Variants in LIPG observed in about 807,000 individuals in gnomAD.
The protein encoded by LIPG is lipase G, endothelial type.
LIPG carries 34 observed loss-of-function variants against 51.8 expected under a neutral mutation model. That is an observed-to-expected ratio of 0.66 (90% CI 0.50 to 0.87). LIPG has a LOEUF of 0.87. Among genes scored for constraint, LIPG ranks in the 40% least tolerant of loss-of-function variants. The probability of loss-of-function intolerance (pLI) is 0.00; values close to 1 mark genes in which losing one functional copy is unlikely to be tolerated. For missense variants in LIPG, 580 were observed against 652.7 expected (o/e 0.89, Z 1.21); for synonymous variants, 246 against 246.1 (o/e 1.00, Z 0.00).
Position 49,562,451 on chromosome 18 carries a change from G to A in LIPG, c.97+46G>A, listed in dbSNP as rs188439036. 1,605 of 1,525,958 alleles carry A rather than the reference G, an allele frequency of 1.1e-3. 22 individuals carry two copies. The Admixed American group carries it at 0.026, about 24-fold the overall frequency. 94.5% of individuals were successfully genotyped at this position (1,525,958 alleles called of 1,614,324 possible). A position where few individuals can be genotyped will look rare whatever the true frequency, so the allele number is the denominator to read the frequency against. On this transcript the variant is annotated intron_variant, in intron 1 of 9. Transcript: ENST00000261292. Reference sequence around the variant, plus strand: ...TTCCCCCCAGCCACTTCTCTGTGCTGGGTCCCCTCTGTCTTGCTGATTCTT... The same window carrying A: ...TTCCCCCCAGCCACTTCTCTGTGCTAGGTCCCCTCTGTCTTGCTGATTCTT...
In LIPG at chr18:49,595,405, CTCTA is replaced by C. The variant is rs1443715428; in HGVS notation, c.*4887_*4890del. ...TAGGCTAAATACAGCCTTTCTGAGTCTCTATCTGCTCATTTAAGAAACAGAGACA... is the reference window on the plus strand; with the variant it reads ...TAGGCTAAATACAGCCTTTCTGAGTCTCTGCTCATTTAAGAAACAGAGACA... On this transcript the variant is annotated 3_prime_UTR_variant, in exon 10 of 10. Coordinates refer to ENST00000261292, the MANE Select transcript of LIPG (RefSeq NM_006033.4). 1.3e-5 allele frequency: 2 copies of C among 151,948 alleles called. No individual in the cohort carries two copies. Among genetic ancestry groups the C allele is most frequent in the African/African-American group, 4.8e-5 (2 of 41,442 alleles). 9.4% of individuals were successfully genotyped at this position (151,948 alleles called of 1,614,324 possible).
chr18:49,595,171 C>G lies in LIPG; in HGVS notation c.*4649C>G, dbSNP rs971196928. 1.2e-4 allele frequency: 19 copies of G among 152,210 alleles called. No individual in the cohort carries two copies. The highest frequency in any genetic ancestry group is 4.3e-4 in the African/African-American group (18 of 41,446). 9.4% of individuals were successfully genotyped at this position (152,210 alleles called of 1,614,324 possible). ...CTCTGCCATGTAAGCTCTCTGATGG[C>G]ACAGATTTTTATCTGGCTTGTTTTC... On this transcript the variant is annotated 3_prime_UTR_variant, in exon 10 of 10. Transcript: ENST00000261292.
chr18:49,582,224 C>A, intron 6 of LIPG, 138 bp from the exon 7 acceptor site: 2 of 980,104 alleles, frequency 2.0e-6, no homozygotes, highest in Admixed American at 1.8e-5. Flanking sequence ...AGAACAAGAG[C>A]AGATGGGGGC....
chr18:49,587,413 T>TA (rs1043715388), intron 9 of LIPG, among the ~76,000 whole-genome samples: 1 of 145,942 alleles, frequency 6.9e-6, no homozygotes, highest in Non-Finnish European at 1.5e-5. Flanking sequence ...TCTAAAAATA[T>TA]AAAAAATTAG....
chr18:49,590,666 G>T lies in LIPG; in HGVS notation c.*144G>T. 1 of 859,224 alleles carries T rather than the reference G, an allele frequency of 1.2e-6. No homozygotes were observed. Among genetic ancestry groups the T allele is most frequent in the Non-Finnish European group, 1.9e-6 (1 of 524,422 alleles). The allele number at this position is 859,224 out of a possible 1,614,324, so 53.2% of individuals were successfully genotyped here. A position where few individuals can be genotyped will look rare whatever the true frequency, so the allele number is the denominator to read the frequency against. ...GAGCACTGGGAACAACTGGTCTCCTGTGATGGCTGGGACTCCTCGCGGGAG... is the reference window on the plus strand; with the variant it reads ...GAGCACTGGGAACAACTGGTCTCCTTTGATGGCTGGGACTCCTCGCGGGAG... On this transcript the variant is annotated 3_prime_UTR_variant, in exon 10 of 10. Transcript: ENST00000261292.
At chr18:49,572,046 G>A (rs576259348) in intron 4 of LIPG, among the ~76,000 whole-genome samples, 105 of 152,344 alleles carry the variant, frequency 6.9e-4, no homozygotes, top group African/African-American at 2.3e-3. Context: ...GTGGCCGGGC[G>A]CAGTGGCTCA....
At chr18:49,569,578 C>T (rs370869105) in intron 4 of LIPG, 30 bp downstream of exon 4, 4 of 1,542,916 alleles carry the variant, frequency 2.6e-6, no homozygotes, top group Non-Finnish European at 3.6e-6. Context: ...CTAAAGGGCT[C>T]CCTCAGCTGC....
In LIPG at chr18:49,582,478, GA is replaced by G; in HGVS notation, c.1156del (p.Ile386Ter). The G allele has an allele frequency of 1.9e-6, 3 of 1,614,222 alleles. No homozygotes were observed. Among genetic ancestry groups the G allele is most frequent in the Non-Finnish European group, 2.5e-6 (3 of 1,180,046 alleles). On this transcript the variant is annotated frameshift_variant, in exon 7 of 10. Transcript: ENST00000261292. LOFTEE classifies it high-confidence loss of function. ...TGCAGATTCCCAGACTCTGCCACTG[GA>G]AATGTAAGTCATCCGTTTCCCTTGC... ...TNADSQTLPL[E>X]IVERIEQNAT...
chr18:49,585,005 T>C (rs1312172304), intron 8 of LIPG, among the ~76,000 whole-genome samples: 1 of 152,216 alleles, frequency 6.6e-6, no homozygotes, highest in Non-Finnish European at 1.5e-5. Context: ...ATATAACTAA[T>C]ATTTCAATGT....
At chr18:49,570,422 A>G (rs1434308691) in intron 4 of LIPG, among the ~76,000 whole-genome samples, 1 of 152,190 alleles carries the variant, frequency 6.6e-6, no homozygotes, top group African/African-American at 2.4e-5. Flanking sequence ...TCCTTCTTCC[A>G]GCATTATTTT....
At position 49,581,509 on chromosome 18, in the gene LIPG, G is replaced by A; in HGVS notation, c.888G>A (p.Gln296=). The change falls in exon 6 of 10, where the codon CAG becomes CAA. Residue 296 remains glutamine, a synonymous_variant. Coordinates refer to ENST00000261292, the MANE Select transcript of LIPG (RefSeq NM_006033.4). ...VNQDKPSFAF[Q]CTDSNRFKKG... is the part of the protein sequence containing the mutation. ...AGGACAAGCCGAGTTTTGCCTTCCAGTGCACTGACTCCAATCGCTTCAAAA... is the reference window on the plus strand; with the variant it reads ...AGGACAAGCCGAGTTTTGCCTTCCAATGCACTGACTCCAATCGCTTCAAAA... The A allele has an allele frequency of 1.2e-6, 2 of 1,614,174 alleles. No homozygotes were observed. The highest frequency in any genetic ancestry group is 2.7e-5 in the African/African-American group (2 of 75,048).
chr18:49,565,835 A>G lies in LIPG; in HGVS notation c.279+337A>G, dbSNP rs529784669. Among the ~76,000 whole-genome samples the G allele has an allele frequency of 5.6e-4, 86 of 152,340 alleles. 1 individual carries two copies. The highest frequency in any genetic ancestry group is 9.7e-4 in the Non-Finnish European group (66 of 68,036). ...GCCTGGAGGGGGCTGTCCTGCCGTGAGAGCTGAGCTTAACTAAAGCAACTT... is the reference window on the plus strand; with the variant it reads ...GCCTGGAGGGGGCTGTCCTGCCGTGGGAGCTGAGCTTAACTAAAGCAACTT... On this transcript the variant is annotated intron_variant, in intron 2 of 9. Transcript: ENST00000261292.
chr18:49,580,978 G>A (rs1257502071), intron 5 of LIPG, among the ~76,000 whole-genome samples: 3 of 152,118 alleles, frequency 2.0e-5, no homozygotes, highest in Non-Finnish European at 4.4e-5. Context: ...CATTACACAG[G>A]TCGGGTGCAG....
chr18:49,561,998 T>A (rs919548086), upstream of LIPG: 8 of 1,406,194 alleles, frequency 5.7e-6, no homozygotes, highest in African/African-American at 1.2e-4. Context: ...CAAATCACCA[T>A]CTGGCGATGG....
At chr18:49,581,023 C>T (rs1021005075) in intron 5 of LIPG, among the ~76,000 whole-genome samples, 33 of 152,196 alleles carry the variant, frequency 2.2e-4, no homozygotes, top group Middle Eastern at 3.4e-3. Flanking sequence ...CTTTAGGAGG[C>T]GAAGGTGGGA....
chr18:49,580,345 C>T (rs1267837358), intron 5 of LIPG, among the ~76,000 whole-genome samples: 1 of 152,208 alleles, frequency 6.6e-6, no homozygotes, highest in Admixed American at 6.5e-5. Flanking sequence ...CAAACATCTT[C>T]TTAAAGCATC....
intron 3 of LIPG, among the ~76,000 whole-genome samples, chr18:49,568,885 A>G (rs2084634492): frequency 6.6e-6 from 1 of 151,934 alleles, no homozygotes; most frequent in East Asian, 1.9e-4. Flanking sequence ...AAGCTCTTCT[A>G]TAGAGTTTGG....
rs1159748626 is a variant in LIPG at position 49,579,759 on chromosome 18, CTTTCCTTTCTTTTCTTTTCTTTTCT to C, written c.794-1651_794-1627del. Reference sequence around the variant, plus strand: ...GATGGCCTTTCTTTCCTTTCCTTTCCTTTCCTTTCTTTTCTTTTCTTTTCTTTTCTTTTCTTTTCTTTTCTTTTCT... The same window carrying C: ...GATGGCCTTTCTTTCCTTTCCTTTCCTTTCTTTTCTTTTCTTTTCTTTTCT... On this transcript the variant is annotated intron_variant, in intron 5 of 9. Coordinates refer to ENST00000261292, the MANE Select transcript of LIPG (RefSeq NM_006033.4). 3.0e-4 allele frequency among the ~76,000 whole-genome samples: 33 copies of C among 109,586 alleles called. 2 individuals are homozygous for C. The highest frequency in any genetic ancestry group is 5.3e-3 in the Middle Eastern group (1 of 190). 71.9% of individuals were successfully genotyped at this position (109,586 alleles called of 152,430 possible). A position where few individuals can be genotyped will look rare whatever the true frequency, so the allele number is the denominator to read the frequency against.
At chr18:49,578,073 GGCCCCCC>G in intron 5 of LIPG, among the ~76,000 whole-genome samples, 2 of 132,960 alleles carry the variant, frequency 1.5e-5, no homozygotes, top group Non-Finnish European at 3.2e-5. Context: ...CGGGGGGGCT[GGCCCCCC>G]ACCTCCCTCC....
Sources: gnomAD v4.1 joint callset for allele counts (sites outside exome capture counted in the v4.1 genomes callset) on GRCh38, gnomAD v4.1.1 for gene constraint, MANE v1.5 for transcripts, NCBI Gene and HGNC (gene_info 2026-07-23, HGNC 2026-07-21) for gene names.